SEC23B: variants seen among roughly 807,000 people sequenced by gnomAD.
SEC23B encodes protein transport protein Sec23B.
A neutral mutation model predicts 104.3 loss-of-function variants in SEC23B; 77 were observed. The ratio of observed to expected loss-of-function variants is 0.74; its 90% confidence interval spans 0.61 to 0.89. SEC23B has a LOEUF of 0.89. SEC23B is among the 40% of genes least tolerant of loss of function. The probability of loss-of-function intolerance (pLI) is 0.00; values close to 1 mark genes in which losing one functional copy is unlikely to be tolerated. For missense variants in SEC23B, 885 were observed against 949.4 expected, an observed-to-expected ratio of 0.93 and a Z score of 0.89; for synonymous variants, 338 against 332.5, an observed-to-expected ratio of 1.02 and a Z score of -0.18.
intron 4 of SEC23B, among the ~76,000 whole-genome samples, chr20:18,523,313 C>T (rs1677714556): frequency 6.6e-6 from 1 of 151,942 alleles, no homozygotes; most frequent in Non-Finnish European, 1.5e-5. Context: ...TCCCCTGTAT[C>T]TGTGGTGCTC....
chr20:18,525,137 A>C (rs1174077212), intron 6 of SEC23B, 117 bp downstream of exon 6: 5 of 998,164 alleles, frequency 5.0e-6, no homozygotes, highest in Non-Finnish European at 7.7e-6. Context: ...AAAAAGATAA[A>C]TGATTAAGCC....
chr20:18,542,512 A>G, intron 13 of SEC23B, 110 bp downstream of exon 13: 1 of 1,093,588 alleles, frequency 9.1e-7, no homozygotes, highest in South Asian at 1.3e-5. Flanking sequence ...AATGGTTCTC[A>G]CCAGACCTCA....
intron 17 of SEC23B, among the ~76,000 whole-genome samples, chr20:18,553,581 A>C (rs1400569347): frequency 6.6e-6 from 1 of 152,244 alleles, no homozygotes; most frequent in African/African-American, 2.4e-5. Context: ...AGTATAAAAG[A>C]AGGAAGGGTG....
At chr20:18,551,272 T>C in intron 17 of SEC23B, 97 bp downstream of exon 17, 2 of 701,746 alleles carry the variant, frequency 2.9e-6, no homozygotes, top group Admixed American at 5.1e-5. Flanking sequence ...TTATTGTCCT[T>C]AACTATGGTT....
chr20:18,527,824 G>A (rs984936938), intron 9 of SEC23B, among the ~76,000 whole-genome samples: 2 of 152,154 alleles, frequency 1.3e-5, no homozygotes, highest in Non-Finnish European at 1.5e-5. Flanking sequence ...CAAATAAGTC[G>A]TTTCAGAGTA....
At chr20:18,542,854 G>T (rs2060300584) in intron 13 of SEC23B, among the ~76,000 whole-genome samples, 165 bp from the exon 14 acceptor site, 1 of 152,114 alleles carries the variant, frequency 6.6e-6, no homozygotes, top group Non-Finnish European at 1.5e-5. Flanking sequence ...GCCCAGGCTG[G>T]TCTTGAACTT....
chr20:18,549,816 A>G (rs1159186249), intron 16 of SEC23B, among the ~76,000 whole-genome samples: 1 of 151,778 alleles, frequency 6.6e-6, no homozygotes, highest in African/African-American at 2.4e-5. Context: ...CCCCATCTCT[A>G]CTAAACATAC....
At chr20:18,554,687 C>T (rs181250464) in intron 18 of SEC23B, among the ~76,000 whole-genome samples, 62 of 152,042 alleles carry the variant, frequency 4.1e-4, no homozygotes, top group African/African-American at 1.3e-3. Flanking sequence ...ATTAGCTGGG[C>T]GTGGTGGCGG....
intron 12 of SEC23B, among the ~76,000 whole-genome samples, chr20:18,537,588 G>A (rs1481897075): frequency 6.6e-6 from 1 of 152,086 alleles, no homozygotes; most frequent in Non-Finnish European, 1.5e-5. Context: ...GACTGTTGTG[G>A]GGTGGGGGAA....
Position 18,525,798 on chromosome 20 carries a change from C to T in SEC23B, c.700C>T (p.Pro234Ser), listed in dbSNP as rs1267246506. The T allele has an allele frequency of 1.2e-6, 2 of 1,614,168 alleles. No individual in the cohort carries two copies. Among genetic ancestry groups the T allele is most frequent in the Admixed American group, 1.7e-5 (1 of 60,014 alleles). Residue 234 changes from proline to serine, a missense_variant, in exon 7 of 20, where the codon CCT (proline) becomes TCT (serine). Pro to Ser is a moderately conservative substitution (Grantham distance 74). Coordinates refer to ENST00000650089, the MANE Select transcript of SEC23B (RefSeq NM_006363.6). ...HPFASSRFLQ[P>S]VHKIDMNLTD... ...GTTAAAATCTTGCAGATTTCTGCAG[C>T]CTGTTCACAAGATTGATATGAACCT...
At position 18,561,031 on chromosome 20, in the gene SEC23B, T is replaced by C; in HGVS notation, c.*291T>C. The C allele has an allele frequency of 2.6e-6, 1 of 390,404 alleles. No individual in the cohort carries two copies. Among genetic ancestry groups the C allele is most frequent in the South Asian group, 2.4e-5 (1 of 42,550 alleles). The allele number at this position is 390,404 out of a possible 1,614,324, so 24.2% of individuals were successfully genotyped here. On this transcript the variant is annotated 3_prime_UTR_variant, in exon 20 of 20. Coordinates refer to ENST00000650089, the MANE Select transcript of SEC23B (RefSeq NM_006363.6). ...AGAGGTAATGTATTTTGGCAGCTTG[T>C]TTAGGTGAGAATCTTAATGATCATA...
chr20:18,529,720 C>T (rs1226621724), intron 9 of SEC23B, among the ~76,000 whole-genome samples: 1 of 152,182 alleles, frequency 6.6e-6, no homozygotes, highest in African/African-American at 2.4e-5. Flanking sequence ...ACGCACATGC[C>T]AACAGAGGCA....
In SEC23B at chr20:18,533,590, GGTGAAGCA is replaced by G. The variant is rs113635570; in HGVS notation, c.1314+849_1314+856del. Among the ~76,000 whole-genome samples, 1,214 of 152,356 alleles carry G rather than the reference GGTGAAGCA, an allele frequency of 8.0e-3. 9 individuals are homozygous for G. Among genetic ancestry groups the G allele is most frequent in the Middle Eastern group, 0.014 (4 of 294 alleles). On this transcript the variant is annotated intron_variant, in intron 11 of 19. Transcript: ENST00000650089. ...TAGGAGGTTTAAATGAGTTGGTTCAGGTGAAGCAGTTAGTGCCTGGCACACTGGAAGTG... is the reference window on the plus strand; with the variant it reads ...TAGGAGGTTTAAATGAGTTGGTTCAGGTTAGTGCCTGGCACACTGGAAGTG...
In SEC23B at chr20:18,545,969, G is replaced by A. The variant is rs905759902; in HGVS notation, c.1679G>A (p.Gly560Glu). ...RQLIRLCQKF[G>E]QYNKEDPTSF... ...TTCTTTCCATAGTGTCAAAAGTTTGGACAGTATAACAAAGAAGACCCCACT... is the reference window on the plus strand; with the variant it reads ...TTCTTTCCATAGTGTCAAAAGTTTGAACAGTATAACAAAGAAGACCCCACT... Residue 560 changes from glycine (G) to glutamate (E), a missense_variant, in exon 15 of 20, where the codon GGA becomes GAA. By Grantham distance (98) the Gly-to-Glu change is moderately conservative. Coordinates refer to ENST00000650089, the MANE Select transcript of SEC23B (RefSeq NM_006363.6). 6.3e-7 allele frequency: 1 copy of A among 1,581,922 alleles called. No homozygotes were observed.
At chr20:18,523,311 A>G (rs1191424123) in intron 4 of SEC23B, among the ~76,000 whole-genome samples, 1 of 151,122 alleles carries the variant, frequency 6.6e-6, no homozygotes, top group Non-Finnish European at 1.5e-5. Context: ...TCTCCCCTGT[A>G]TCTGTGGTGC....
At position 18,525,817 on chromosome 20, in the gene SEC23B, T is replaced by C; in HGVS notation, c.719T>C (p.Met240Thr). 7 of 1,614,242 alleles carry C rather than the reference T, an allele frequency of 4.3e-6. No individual in the cohort carries two copies. The highest frequency in any genetic ancestry group is 5.9e-6 in the Non-Finnish European group (7 of 1,180,046). The stretch of plus-strand genomic sequence containing the variant: ...CTGCAGCCTGTTCACAAGATTGATA[T>C]GAACCTCACTGATCTTCTTGGGGAG... ...RFLQPVHKID[M>T]NLTDLLGELQ... The change falls in exon 7 of 20, where the codon ATG becomes ACG. Residue 240 changes from methionine to threonine, a missense_variant. Physicochemically the swap from Met to Thr is moderately conservative, Grantham distance 81 (BLOSUM62 -1). Transcript: ENST00000650089.
chr20:18,525,228 G>A (rs1278538948), intron 6 of SEC23B, among the ~76,000 whole-genome samples: 1 of 152,130 alleles, frequency 6.6e-6, no homozygotes, highest in African/African-American at 2.4e-5. Flanking sequence ...CACATCTGAT[G>A]TCCTTTTTGA....
intron 10 of SEC23B, among the ~76,000 whole-genome samples, chr20:18,531,354 A>G (rs1235166977): frequency 6.6e-6 from 1 of 152,146 alleles, no homozygotes; most frequent in African/African-American, 2.4e-5. Flanking sequence ...AGAATAGCCA[A>G]AGTACTCTAA....
intron 10 of SEC23B, among the ~76,000 whole-genome samples, chr20:18,531,516 C>T (rs564641912): frequency 2.5e-4 from 38 of 152,020 alleles, no homozygotes; most frequent in South Asian, 2.1e-3. Context: ...ACTAGCCGGG[C>T]GTGGTGGCAC....
Sources: gnomAD v4.1 joint callset for allele counts (sites outside exome capture counted in the v4.1 genomes callset) on GRCh38, gnomAD v4.1.1 for gene constraint, MANE v1.5 for transcripts, NCBI Gene and HGNC (gene_info 2026-07-23, HGNC 2026-07-21) for gene names.